DRC9: variants seen among roughly 807,000 people sequenced by gnomAD.
The protein encoded by DRC9 is dynein regulatory complex subunit 9.
At chr3:197,924,192 CTAAAAATATTT>C in the DRC9 span, among the ~76,000 whole-genome samples, 1 of 151,170 alleles carries the variant, frequency 6.6e-6, no homozygotes, top group South Asian at 2.1e-4. Flanking sequence ...CCCGTCTGTA[CTAAAAATATTT>C]TAAAAATTAG....
chr3:197,919,704 T>G, the DRC9 span, among the ~76,000 whole-genome samples: 1 of 152,164 alleles, frequency 6.6e-6, no homozygotes, highest in Non-Finnish European at 1.5e-5. Context: ...AGCCAAGGGC[T>G]TTAATGGTAG....
the DRC9 span, among the ~76,000 whole-genome samples, chr3:197,907,715 C>T: frequency 1.3e-5 from 2 of 152,178 alleles, no homozygotes; most frequent in African/African-American, 2.4e-5. Flanking sequence ...AAGAGTGAGC[C>T]GTTTCCAAGG....
At chr3:197,913,711 G>A in the DRC9 span, 33 of 739,658 alleles carry the variant, frequency 4.5e-5, no homozygotes, top group Non-Finnish European at 6.4e-5. Context: ...CTCTGCTTGC[G>A]AACACGCATA....
At chr3:197,905,101 C>T in the DRC9 span, among the ~76,000 whole-genome samples, 2 of 151,838 alleles carry the variant, frequency 1.3e-5, no homozygotes, top group Non-Finnish European at 2.9e-5. Flanking sequence ...GTGGGGGATG[C>T]GGAGGGTGTG....
chr3:197,891,448 T>A, the DRC9 span: 1 of 1,546,894 alleles, frequency 6.5e-7, no homozygotes, highest in Admixed American at 1.7e-5. Flanking sequence ...TTCTTTACCT[T>A]TATAACGCTC....
At chr3:197,954,948 G>C in the DRC9 span, among the ~76,000 whole-genome samples, 1 of 152,194 alleles carries the variant, frequency 6.6e-6, no homozygotes, top group African/African-American at 2.4e-5. Flanking sequence ...ACAGGTGTTA[G>C]TAGCTTTATT....
At chr3:197,935,179 G>A in the DRC9 span, among the ~76,000 whole-genome samples, 1 of 152,210 alleles carries the variant, frequency 6.6e-6, no homozygotes, top group South Asian at 2.1e-4. Flanking sequence ...AGTGGCTCAT[G>A]CCTGTAATCC....
At chr3:197,932,856 A>G in the DRC9 span, among the ~76,000 whole-genome samples, 1 of 138,134 alleles carries the variant, frequency 7.2e-6, no homozygotes, top group Admixed American at 7.7e-5. Flanking sequence ...TATAATATAC[A>G]TTATATATGT....
chr3:197,932,189 T>A, the DRC9 span: 1 of 1,612,588 alleles, frequency 6.2e-7, no homozygotes, highest in Admixed American at 1.7e-5. Context: ...AATGATGTCA[T>A]AGAAATGCAT....
At chr3:197,891,514 G>A in the DRC9 span, 215 of 1,598,994 alleles carry the variant, frequency 1.3e-4, no homozygotes, top group Non-Finnish European at 1.7e-4. Flanking sequence ...TTTTCTATAC[G>A]ATCTTCAATG....
At chr3:197,915,566 C>T in the DRC9 span, among the ~76,000 whole-genome samples, 4,580 of 152,262 alleles carry the variant, frequency 0.03, 215 homozygotes, top group African/African-American at 0.11. Context: ...AACAAGCACA[C>T]GACTAGCAAC....
At chr3:197,949,914 A>T in the DRC9 span, 2 of 403,372 alleles carry the variant, frequency 5.0e-6, no homozygotes, top group African/African-American at 4.1e-5. Flanking sequence ...CCGGGGACGC[A>T]GGAAGTAAAC....
chr3:197,945,804 C>T, the DRC9 span: 2 of 572,678 alleles, frequency 3.5e-6, no homozygotes, highest in Non-Finnish European at 6.3e-6. Flanking sequence ...TGACTATCGC[C>T]TCTTTGTGCG....
At chr3:197,891,571 T>C in the DRC9 span, 1 of 1,325,574 alleles carries the variant, frequency 7.5e-7, no homozygotes, top group Non-Finnish European at 1.1e-6. Context: ...CATTCATCAT[T>C]TATTATAGTA....
the DRC9 span, among the ~76,000 whole-genome samples, chr3:197,906,122 T>C: frequency 6.6e-6 from 1 of 152,154 alleles, no homozygotes; most frequent in African/African-American, 2.4e-5. Context: ...TGAACGTTTT[T>C]CTTGCCAGCT....
the DRC9 span, among the ~76,000 whole-genome samples, chr3:197,922,697 C>G: frequency 1.6e-3 from 229 of 146,632 alleles, no homozygotes; most frequent in African/African-American, 5.6e-3. Flanking sequence ...CAGAGCTAGA[C>G]TCCATCTCAA....
chr3:197,919,465 G>C, the DRC9 span, among the ~76,000 whole-genome samples: 1 of 152,164 alleles, frequency 6.6e-6, no homozygotes, highest in South Asian at 2.1e-4. Context: ...CCTCGAATCC[G>C]AGTTGTCCAT....
At chr3:197,903,912 C>T in the DRC9 span, among the ~76,000 whole-genome samples, 1 of 151,180 alleles carries the variant, frequency 6.6e-6, no homozygotes, top group Non-Finnish European at 1.5e-5. Flanking sequence ...AGTTCAAGGC[C>T]CGCCTGGGCA....
At chr3:197,892,831 T>A in the DRC9 span, 1 of 1,571,074 alleles carries the variant, frequency 6.4e-7, no homozygotes, top group African/African-American at 1.4e-5. Context: ...ATTCCACTTA[T>A]ACGAGTTTCA....
Sources: gnomAD v4.1 joint callset for allele counts (sites outside exome capture counted in the v4.1 genomes callset) on GRCh38, gnomAD v4.1.1 for gene constraint, MANE v1.5 for transcripts, NCBI Gene and HGNC (gene_info 2026-07-23, HGNC 2026-07-21) for gene names.